ABI3BP: variants seen among roughly 807,000 people sequenced by gnomAD.
The protein encoded by ABI3BP is ABI family member 3 binding protein, also known as target of Nesh-SH3.
In ABI3BP, 216 loss-of-function variants were observed where a neutral mutation model predicts 268.6. That is an observed-to-expected ratio of 0.80 (90% CI 0.72 to 0.90). The LOEUF (loss-of-function observed/expected upper bound fraction) is 0.90. Ranked by LOEUF, ABI3BP falls within the 40% of genes least tolerant of loss-of-function variation. The probability of loss-of-function intolerance (pLI) is 0.00; values close to 1 mark genes in which losing one functional copy is unlikely to be tolerated. For missense variants in ABI3BP, 2,090 were observed against 2,182.4 expected (o/e 0.96, Z 0.84); for synonymous variants, 730 against 730.0 (o/e 1.00, Z 0.00).
intron 1 of ABI3BP, among the ~76,000 whole-genome samples, chr3:100,942,863 C>A (rs2070140844): frequency 6.6e-6 from 1 of 152,036 alleles, no homozygotes; most frequent in Non-Finnish European, 1.5e-5. Flanking sequence ...AGTGCATCGA[C>A]AATAAAATTA....
At chr3:100,990,123 A>G (rs1383289382) in intron 1 of ABI3BP, among the ~76,000 whole-genome samples, 1 of 152,166 alleles carries the variant, frequency 6.6e-6, no homozygotes, top group African/African-American at 2.4e-5. Context: ...CCTTTACCCC[A>G]TCTTTCTGCC....
intron 9 of ABI3BP, among the ~76,000 whole-genome samples, chr3:100,872,210 A>G (rs546362522): frequency 2.0e-5 from 3 of 152,234 alleles, no homozygotes; most frequent in African/African-American, 7.2e-5. Flanking sequence ...TACTATTTTC[A>G]TAGTTTTAAT....
chr3:100,943,173 A>G (rs907927769), intron 1 of ABI3BP, among the ~76,000 whole-genome samples: 7 of 152,062 alleles, frequency 4.6e-5, no homozygotes, highest in Admixed American at 6.6e-5. Context: ...TTTTAAACAT[A>G]CAAAAACTTG....
At chr3:100,818,199 A>G (rs1010230910) in intron 41 of ABI3BP, among the ~76,000 whole-genome samples, 1 of 152,226 alleles carries the variant, frequency 6.6e-6, no homozygotes, top group African/African-American at 2.4e-5. Flanking sequence ...CCTACAATTG[A>G]TGAGGAATAA....
At chr3:100,795,483 T>C (rs2097318650) in intron 53 of ABI3BP, among the ~76,000 whole-genome samples, 1 of 152,012 alleles carries the variant, frequency 6.6e-6, no homozygotes, top group African/African-American at 2.4e-5. Flanking sequence ...TACTAGTATG[T>C]TACATTACAG....
intron 4 of ABI3BP, among the ~76,000 whole-genome samples, chr3:100,890,520 C>T (rs1425143602): frequency 6.6e-6 from 1 of 152,122 alleles, no homozygotes; most frequent in African/African-American, 2.4e-5. Flanking sequence ...TACGGACCTT[C>T]CCGAGTCTAA....
chr3:100,856,122 G>C (rs569472961), intron 14 of ABI3BP, among the ~76,000 whole-genome samples: 4 of 152,232 alleles, frequency 2.6e-5, no homozygotes, highest in Non-Finnish European at 4.4e-5. Context: ...ATCCAGTTGG[G>C]TGGGCCAGAT....
chr3:100,796,450 A>G lies in ABI3BP; in HGVS notation c.3776T>C (p.Leu1259Pro), dbSNP rs1467081856. Reference protein sequence around the residue: ...YTTPAPKDVLLPHKPYPEVSQ... With the variant: ...YTTPAPKDVLPPHKPYPEVSQ... ...GACCTCAGGGTATGGTTTATGAGGA[A>G]GGAGCACATCTTTTGGAGCTGAAAG... Residue 1259 changes from leucine to proline, a missense_variant, in exon 52 of 68, where the codon CTT (leucine) becomes CCT (proline). Coordinates refer to ENST00000471714, the MANE Select transcript of ABI3BP (RefSeq NM_001375547.2). 2 of 1,603,940 alleles carry G rather than the reference A, an allele frequency of 1.2e-6. No homozygotes were observed. The highest frequency in any genetic ancestry group is 2.7e-5 in the African/African-American group (2 of 74,514).
chr3:100,751,597 G>A lies in ABI3BP; in HGVS notation c.5200C>T (p.Arg1734Cys), dbSNP rs755148769. Residue 1734 changes from arginine to cysteine, a missense_variant, in exon 67 of 68, where the codon CGC becomes TGC. Arg to Cys is a radical substitution (Grantham distance 180). Transcript: ENST00000471714. ...CQFVDSFLDG[R>C]TGQQLTSDQL... ...TCAGAAGTGAGTTGCTGCCCAGTGC[G>A]TCCATCTAAAAATGAATCCACAAAC... is the stretch of plus-strand genomic sequence containing the variant. 6.3e-6 allele frequency: 10 copies of A among 1,598,456 alleles called. No individual in the cohort carries two copies. The highest frequency in any genetic ancestry group is 5.4e-5 in the African/African-American group (4 of 74,630).
At chr3:100,763,497 A>G (rs972185050) in intron 63 of ABI3BP, among the ~76,000 whole-genome samples, 1 of 151,860 alleles carries the variant, frequency 6.6e-6, no homozygotes, top group East Asian at 1.9e-4. Context: ...AAAAATCTAG[A>G]CAGGCACTCC....
intron 1 of ABI3BP, among the ~76,000 whole-genome samples, chr3:100,929,769 T>C (rs983465439): frequency 6.6e-6 from 1 of 152,028 alleles, no homozygotes; most frequent in African/African-American, 2.4e-5. Flanking sequence ...GCTCAGGTTG[T>C]CCACCCAGTA....
intron 1 of ABI3BP, among the ~76,000 whole-genome samples, chr3:100,982,710 G>C (rs1357481682): frequency 6.6e-6 from 1 of 152,028 alleles, no homozygotes; most frequent in African/African-American, 2.4e-5. Flanking sequence ...CTTGTAAAAA[G>C]GAATAGTTAG....
At chr3:100,777,589 G>A (rs537066233) in intron 59 of ABI3BP, among the ~76,000 whole-genome samples, 1 of 152,204 alleles carries the variant, frequency 6.6e-6, no homozygotes, top group African/African-American at 2.4e-5. Context: ...TAACAGAGGG[G>A]TATGTCAAGG....
At chr3:100,925,625 G>C (rs2153636899) in intron 2 of ABI3BP, among the ~76,000 whole-genome samples, 1 of 152,054 alleles carries the variant, frequency 6.6e-6, no homozygotes, top group Admixed American at 6.6e-5. Context: ...ATGTTGCCCA[G>C]GCTGTCTAGA....
intron 1 of ABI3BP, among the ~76,000 whole-genome samples, chr3:100,934,906 A>T (rs887313008): frequency 1.3e-5 from 2 of 151,918 alleles, no homozygotes; most frequent in African/African-American, 4.8e-5. Flanking sequence ...GATTGCAAAA[A>T]TTTTCTCCCA....
At position 100,838,204 on chromosome 3, in the gene ABI3BP, GT is replaced by G; in HGVS notation, c.2083+5del. 6.5e-7 allele frequency: 1 copy of G among 1,533,710 alleles called. No individual in the cohort carries two copies. Among genetic ancestry groups the G allele is most frequent in the Non-Finnish European group, 8.7e-7 (1 of 1,144,374 alleles). On this transcript the variant is annotated splice_donor_5th_base_variant and intron_variant, in intron 26 of 67. Coordinates refer to ENST00000471714, the MANE Select transcript of ABI3BP (RefSeq NM_001375547.2). ...GTTAAGCTAAAGCACTGGAAATTAT[GT>G]TTACCGGATTTAGTTGGTGGCATGT...
intron 11 of ABI3BP, 145 bp downstream of exon 11, chr3:100,864,688 G>GT (rs898643465): frequency 2.7e-5 from 17 of 632,160 alleles, no homozygotes; most frequent in Non-Finnish European, 4.6e-5. Flanking sequence ...AAAGAGGAAG[G>GT]TTAACCACTG....
At chr3:100,830,521 G>C in intron 32 of ABI3BP, 57 bp downstream of exon 32, 1 of 1,422,278 alleles carries the variant, frequency 7.0e-7, no homozygotes, top group Non-Finnish European at 9.5e-7. Flanking sequence ...TGATGGTGAT[G>C]AATGGGTTTG....
chr3:100,902,533 A>G, intron 3 of ABI3BP, 85 bp downstream of exon 3: 1 of 1,241,216 alleles, frequency 8.1e-7, no homozygotes, highest in Non-Finnish European at 1.2e-6. Context: ...TTCTCAAGGC[A>G]TTTGGTCTCC....
Sources: allele counts gnomAD v4.1 joint callset (sites outside exome capture counted in the v4.1 genomes callset), GRCh38; gene constraint gnomAD v4.1.1; transcripts MANE v1.5; gene names NCBI Gene and HGNC (gene_info 2026-07-23, HGNC 2026-07-21).